NKAIN2: variants seen among roughly 807,000 people sequenced by gnomAD.
NKAIN2 encodes the protein sodium/potassium-transporting ATPase subunit beta-1-interacting protein 2.
NKAIN2 carries 14 observed loss-of-function variants against 32.6 expected under a neutral mutation model. That is an observed-to-expected ratio of 0.43 (90% confidence interval 0.28 to 0.67). NKAIN2 has a LOEUF of 0.67. NKAIN2 is among the 30% of genes least tolerant of loss of function. The pLI is 0.17. For synonymous variants in NKAIN2, 80 were observed against 87.2 expected, an observed-to-expected ratio of 0.92 and a Z score of 0.46; for missense variants, 198 against 258.3, an observed-to-expected ratio of 0.77 and a Z score of 1.60.
intron 1 of NKAIN2, among the ~76,000 whole-genome samples, chr6:124,157,051 C>T (rs945334293): frequency 1.6e-5 from 2 of 122,468 alleles, no homozygotes; most frequent in South Asian, 2.7e-4. Flanking sequence ...TGCAGTGAGC[C>T]GAGATCGAGC....
At chr6:124,335,163 T>A (rs1797815790) in intron 2 of NKAIN2, among the ~76,000 whole-genome samples, 1 of 152,174 alleles carries the variant, frequency 6.6e-6, no homozygotes, top group African/African-American at 2.4e-5. Flanking sequence ...TAGATAGAAA[T>A]CTTTTTTATA....
At chr6:123,897,021 C>T (rs1220478080) in intron 1 of NKAIN2, among the ~76,000 whole-genome samples, 1 of 152,134 alleles carries the variant, frequency 6.6e-6, no homozygotes, top group African/African-American at 2.4e-5. Context: ...TGCTGACTGG[C>T]CACCTCTTGT....
chr6:124,473,760 G>C (rs1777071117), intron 3 of NKAIN2, among the ~76,000 whole-genome samples: 1 of 152,088 alleles, frequency 6.6e-6, no homozygotes, highest in Non-Finnish European at 1.5e-5. Context: ...CTAAGATGCT[G>C]ATTCACCATC....
At chr6:123,806,704 T>G (rs1350546905) in intron 1 of NKAIN2, among the ~76,000 whole-genome samples, 1 of 152,048 alleles carries the variant, frequency 6.6e-6, no homozygotes, top group Non-Finnish European at 1.5e-5. Flanking sequence ...CAGTTTTGTT[T>G]ACTTCTCAAG....
intron 3 of NKAIN2, among the ~76,000 whole-genome samples, chr6:124,365,212 T>C (rs936251908): frequency 1.3e-5 from 2 of 151,786 alleles, no homozygotes; most frequent in African/African-American, 4.8e-5. Flanking sequence ...TAAATGTAAA[T>C]ATACTAATAT....
intron 1 of NKAIN2, among the ~76,000 whole-genome samples, chr6:123,813,683 G>A (rs1042352937): frequency 2.0e-5 from 3 of 151,926 alleles, no homozygotes; most frequent in Admixed American, 6.6e-5. Context: ...ATGGTGTTGC[G>A]TGCCTGTAGT....
chr6:124,195,284 T>C (rs893280538), intron 1 of NKAIN2, among the ~76,000 whole-genome samples: 1 of 150,940 alleles, frequency 6.6e-6, no homozygotes, highest in Admixed American at 6.6e-5. Flanking sequence ...TCAATTTCCA[T>C]AGAATGTATT....
intron 3 of NKAIN2, among the ~76,000 whole-genome samples, chr6:124,360,969 T>G (rs949584970): frequency 3.3e-5 from 5 of 152,206 alleles, no homozygotes; most frequent in African/African-American, 1.2e-4. Flanking sequence ...ATAGCTTCAT[T>G]ATTCTGTTGT....
intron 4 of NKAIN2, among the ~76,000 whole-genome samples, chr6:124,694,394 T>C (rs1248149712): frequency 6.6e-6 from 1 of 152,222 alleles, no homozygotes; most frequent in Non-Finnish European, 1.5e-5. Context: ...ATAAATTGCA[T>C]AGGCAGTGTT....
intron 3 of NKAIN2, among the ~76,000 whole-genome samples, chr6:124,471,376 C>T (rs1776967205): frequency 6.6e-6 from 1 of 151,780 alleles, no homozygotes; most frequent in African/African-American, 2.4e-5. Flanking sequence ...ATTTTGGGGG[C>T]CCTAAAATAA....
intron 1 of NKAIN2, among the ~76,000 whole-genome samples, chr6:124,195,986 C>G (rs1790296845): frequency 6.6e-6 from 1 of 151,966 alleles, no homozygotes; most frequent in African/African-American, 2.4e-5. Flanking sequence ...AAAATTTGTA[C>G]TAAATATTAT....
intron 1 of NKAIN2, among the ~76,000 whole-genome samples, chr6:123,824,864 T>A (rs565817418): frequency 6.6e-6 from 1 of 152,234 alleles, no homozygotes; most frequent in African/African-American, 2.4e-5. Context: ...TTCTACCTGA[T>A]GGAAAGGTTG....
intron 1 of NKAIN2, among the ~76,000 whole-genome samples, chr6:124,019,441 T>G (rs1780760712): frequency 6.6e-6 from 1 of 152,160 alleles, no homozygotes; most frequent in Non-Finnish European, 1.5e-5. Flanking sequence ...TTTTGGCATG[T>G]GAATCATATA....
chr6:123,906,405 C>T (rs930740075), intron 1 of NKAIN2, among the ~76,000 whole-genome samples: 1 of 152,042 alleles, frequency 6.6e-6, no homozygotes, highest in Admixed American at 6.6e-5. Context: ...ATTCTCCCAC[C>T]TCTGCCTCCT....
At chr6:124,357,767 T>C (rs1415198456) in intron 3 of NKAIN2, among the ~76,000 whole-genome samples, 6 of 152,208 alleles carry the variant, frequency 3.9e-5, no homozygotes, top group African/African-American at 1.4e-4. Flanking sequence ...GATTAGAGTT[T>C]AGAACTTTTC....
chr6:123,957,776 AT>A (rs1265286906), intron 1 of NKAIN2, among the ~76,000 whole-genome samples: 6 of 152,196 alleles, frequency 3.9e-5, no homozygotes, highest in African/African-American at 1.4e-4. Flanking sequence ...TACCCAAAAA[AT>A]CTTTGTTTCT....
At chr6:123,868,460 G>T (rs889402652) in intron 1 of NKAIN2, among the ~76,000 whole-genome samples, 1 of 152,262 alleles carries the variant, frequency 6.6e-6, no homozygotes, top group African/African-American at 2.4e-5. Flanking sequence ...TTTTCAAACT[G>T]CTTGTGGTAT....
At chr6:124,256,589 G>A (rs778661554) in intron 1 of NKAIN2, among the ~76,000 whole-genome samples, 1 of 152,162 alleles carries the variant, frequency 6.6e-6, no homozygotes, top group Non-Finnish European at 1.5e-5. Flanking sequence ...ATGATTAAGA[G>A]TAGATAAGTC....
intron 1 of NKAIN2, among the ~76,000 whole-genome samples, chr6:124,256,885 GTTTTTT>G (rs568654193): frequency 1.3e-5 from 1 of 75,916 alleles, no homozygotes; most frequent in African/African-American, 4.8e-5. Context: ...GCTTTCTGTT[GTTTTTT>G]TTTTTTTTTT....
Sources: allele counts gnomAD v4.1 joint callset (sites outside exome capture counted in the v4.1 genomes callset), GRCh38; gene constraint gnomAD v4.1.1; transcripts MANE v1.5; gene names NCBI Gene and HGNC (gene_info 2026-07-23, HGNC 2026-07-21).